FOXP2: variants seen among roughly 807,000 people sequenced by gnomAD.
FOXP2 encodes the protein forkhead box P2, also known as forkhead box protein P2.
Under a neutral mutation model 115.8 loss-of-function variants are expected in FOXP2, and 12 were observed. The observed-to-expected ratio is 0.10, with a 90% CI of 0.07 to 0.17. The LOEUF (loss-of-function observed/expected upper bound fraction) is 0.17, where lower values mean the gene tolerates loss of function less well. FOXP2 is among the 10% of genes least tolerant of loss of function. FOXP2 has a pLI of 1.00. For synonymous variants in FOXP2, 328 were observed against 297.7 expected (o/e 1.10, Z -1.05); for missense variants, 629 against 843.5 (o/e 0.75, Z 3.15).
chr7:114,146,290 A>G, intron 1 of FOXP2, among the ~76,000 whole-genome samples: 1 of 152,302 alleles, frequency 6.6e-6, no homozygotes, highest in Non-Finnish European at 1.5e-5. Flanking sequence ...GCGTTCCAAT[A>G]ATGGAACACT....
chr7:114,204,683 C>G (rs1431350511), intron 1 of FOXP2, among the ~76,000 whole-genome samples: 2 of 152,042 alleles, frequency 1.3e-5, no homozygotes, highest in Non-Finnish European at 2.9e-5. Flanking sequence ...AAATTGTTTG[C>G]TTTTTGTGAC....
chr7:114,559,816 C>G (rs1382110908), intron 3 of FOXP2, among the ~76,000 whole-genome samples: 1 of 150,442 alleles, frequency 6.6e-6, no homozygotes, highest in African/African-American at 2.5e-5. Flanking sequence ...GTGAACCTGG[C>G]AGGCAGAGCT....
chr7:114,227,634 T>C (rs1198592651), intron 1 of FOXP2, among the ~76,000 whole-genome samples: 1 of 152,108 alleles, frequency 6.6e-6, no homozygotes, highest in African/African-American at 2.4e-5. Flanking sequence ...AATATTTGTT[T>C]ATTTGTATTG....
At chr7:114,487,616 A>T (rs898507859) in intron 2 of FOXP2, among the ~76,000 whole-genome samples, 3 of 152,048 alleles carry the variant, frequency 2.0e-5, no homozygotes, top group Non-Finnish European at 4.4e-5. Context: ...CCTCTTGAAT[A>T]CTTTGTTGCT....
At position 114,557,753 on chromosome 7, in the gene FOXP2, GA is replaced by G. The variant is rs201810022; in HGVS notation, c.258+23049del. 6.7e-3 allele frequency among the ~76,000 whole-genome samples: 1,017 copies of G among 152,038 alleles called. 10 individuals carry two copies. The highest frequency in any genetic ancestry group is 0.023 in the African/African-American group (971 of 41,482). ...TAGTACTCTTCTGTTCTCAAAAGCAGAATTTTGCAACAAGAATTTTGACACT... is the reference window on the plus strand; with the variant it reads ...TAGTACTCTTCTGTTCTCAAAAGCAGATTTTGCAACAAGAATTTTGACACT... On this transcript the variant is annotated intron_variant, in intron 3 of 16. Coordinates refer to ENST00000350908, the MANE Select transcript of FOXP2 (RefSeq NM_014491.4).
At chr7:114,448,087 GT>G (rs1451360493) in intron 2 of FOXP2, among the ~76,000 whole-genome samples, 1 of 152,072 alleles carries the variant, frequency 6.6e-6, no homozygotes, top group Admixed American at 6.6e-5. Flanking sequence ...CATATAGTAT[GT>G]TTTGAACTTG....
At chr7:114,117,061 G>A (rs935134652) in intron 1 of FOXP2, among the ~76,000 whole-genome samples, 1 of 152,044 alleles carries the variant, frequency 6.6e-6, no homozygotes, top group African/African-American at 2.4e-5. Context: ...AAGCTTGGCA[G>A]GTGAAAATAA....
chr7:114,296,803 A>G (rs975715092), intron 2 of FOXP2, among the ~76,000 whole-genome samples: 2 of 152,334 alleles, frequency 1.3e-5, no homozygotes, highest in East Asian at 3.9e-4. Flanking sequence ...GGACAGATCA[A>G]TAAAAGAATT....
intron 3 of FOXP2, among the ~76,000 whole-genome samples, chr7:114,603,093 T>C (rs1803121162): frequency 6.6e-6 from 1 of 152,170 alleles, no homozygotes; most frequent in Non-Finnish European, 1.5e-5. Context: ...TTTTTTCTTA[T>C]GGAACATCAT....
chr7:114,642,028 A>T (rs1805563106), intron 6 of FOXP2, among the ~76,000 whole-genome samples: 1 of 151,658 alleles, frequency 6.6e-6, no homozygotes, highest in Admixed American at 6.6e-5. Flanking sequence ...CTGGTCTCGA[A>T]CTCCTGGCCT....
At chr7:114,473,245 C>T (rs1796122239) in intron 2 of FOXP2, among the ~76,000 whole-genome samples, 1 of 151,966 alleles carries the variant, frequency 6.6e-6, no homozygotes, top group Non-Finnish European at 1.5e-5. Context: ...AAGTAAATAC[C>T]CAATTCCTGT....
At position 114,325,326 on chromosome 7, in the gene FOXP2, T is replaced by A. The variant is rs1488711425; in HGVS notation, c.-11+37217T>A. 2.0e-5 allele frequency among the ~76,000 whole-genome samples: 3 copies of A among 151,896 alleles called. No individual in the cohort carries two copies. The East Asian group carries it at 5.8e-4, about 29-fold the overall frequency. The stretch of plus-strand genomic sequence containing the variant: ...ATTTGAAATTCCATATAGTCTTCCA[T>A]TTTTTCCCCATGTTATTCTCTGGTA... On this transcript the variant is annotated intron_variant, in intron 2 of 17. Coordinates refer to the FOXP2 transcript ENST00000634411.
At chr7:114,222,302 T>C (rs748440964) in intron 1 of FOXP2, among the ~76,000 whole-genome samples, 58 of 152,138 alleles carry the variant, frequency 3.8e-4, no homozygotes, top group Non-Finnish European at 3.4e-4. Flanking sequence ...ACTACAGGCA[T>C]GTGCCTGCAT....
intron 10 of FOXP2, among the ~76,000 whole-genome samples, chr7:114,654,479 T>G (rs1806462055): frequency 6.6e-6 from 1 of 152,216 alleles, no homozygotes; most frequent in Admixed American, 6.6e-5. Context: ...AATTTTGTCC[T>G]ATTTCTTTGG....
chr7:114,421,431 T>G lies in FOXP2; in HGVS notation c.-10-5071T>G, dbSNP rs368975772. On this transcript the variant is annotated intron_variant, in intron 1 of 16. Transcript: ENST00000350908. ...TGTAGTCATTATCATTTAAAAAATA[T>G]TTTGTTAAAATGTCCTTCTACTTTG... Among the ~76,000 whole-genome samples, 45 of 151,798 alleles carry G rather than the reference T, an allele frequency of 3.0e-4. No homozygotes were observed. The South Asian group carries it at 6.6e-3, about 22-fold the overall frequency.
At chr7:114,398,726 G>A (rs1792804288) in intron 2 of FOXP2, among the ~76,000 whole-genome samples, 2 of 152,238 alleles carry the variant, frequency 1.3e-5, no homozygotes, top group African/African-American at 4.8e-5. Flanking sequence ...ACAGAAATGT[G>A]TCTTGGGTTC....
At chr7:114,564,038 A>G (rs1275713640) in intron 3 of FOXP2, among the ~76,000 whole-genome samples, 1 of 152,128 alleles carries the variant, frequency 6.6e-6, no homozygotes, top group Non-Finnish European at 1.5e-5. Flanking sequence ...GTCTGAACCC[A>G]CACCCTCATG....
chr7:114,395,879 A>G (rs1303079640), intron 2 of FOXP2, among the ~76,000 whole-genome samples: 1 of 151,872 alleles, frequency 6.6e-6, no homozygotes, highest in Non-Finnish European at 1.5e-5. Flanking sequence ...CTTTTTTTAA[A>G]AAAATTTTTT....
At chr7:114,130,866 T>C (rs1270698991) in intron 1 of FOXP2, among the ~76,000 whole-genome samples, 5 of 152,250 alleles carry the variant, frequency 3.3e-5, no homozygotes, top group Admixed American at 6.5e-5. Flanking sequence ...GGCATTGTTA[T>C]GCCAGATCAT....
Sources: allele counts gnomAD v4.1 joint callset (sites outside exome capture counted in the v4.1 genomes callset), GRCh38; gene constraint gnomAD v4.1.1; transcripts MANE v1.5; gene names NCBI Gene and HGNC (gene_info 2026-07-23, HGNC 2026-07-21).